GEMIN5: variants seen among roughly 807,000 people sequenced by gnomAD.
GEMIN5 encodes gem-associated protein 5.
In GEMIN5, 124 loss-of-function variants were observed where a neutral mutation model predicts 176.9. The ratio of observed to expected loss-of-function variants is 0.70; its 90% CI spans 0.61 to 0.81. GEMIN5 has a LOEUF of 0.81. GEMIN5 is among the 40% of genes least tolerant of loss of function. The pLI is 0.00. For missense variants in GEMIN5, 1,843 were observed against 1,814.6 expected (o/e 1.02, Z -0.28); for synonymous variants, 673 against 665.2 (o/e 1.01, Z -0.18).
chr5:154,892,762 T>G, intron 24 of GEMIN5: 1 of 544,608 alleles, frequency 1.8e-6, no homozygotes, highest in Non-Finnish European at 3.3e-6. Context: ...GGTGTTAAAG[T>G]CTGTTCACAC....
rs781314331 is a variant in GEMIN5 at position 154,937,954 on chromosome 5, G to A, written c.166+14C>T. ...AAAGGGCAGTAAGTCTCGGGCCCAAGGGTGGTGAGTTACCTCGAAACGGGG... is the reference window on the plus strand; with the variant it reads ...AAAGGGCAGTAAGTCTCGGGCCCAAAGGTGGTGAGTTACCTCGAAACGGGG... On this transcript the variant is annotated intron_variant, in intron 1 of 27. Transcript: ENST00000285873. The A allele has an allele frequency of 1.2e-4, 180 of 1,562,452 alleles. No homozygotes were observed. Among genetic ancestry groups the A allele is most frequent in the Non-Finnish European group, 1.5e-4 (172 of 1,157,374 alleles).
At chr5:154,928,469 T>G in intron 6 of GEMIN5, 58 bp downstream of exon 6, 3 of 1,550,310 alleles carry the variant, frequency 1.9e-6, no homozygotes, top group Non-Finnish European at 2.7e-6. Context: ...CTAGGAGGAC[T>G]TGAGGCCAAA....
intron 2 of GEMIN5, 73 bp from the exon 3 acceptor site, chr5:154,936,095 C>T (rs1764262814): frequency 2.2e-6 from 2 of 919,530 alleles, no homozygotes; most frequent in Admixed American, 2.4e-5. Flanking sequence ...TATCACAAAC[C>T]AGCATAATGC....
At chr5:154,912,631 G>A (rs542127515) in intron 14 of GEMIN5, among the ~76,000 whole-genome samples, 2 of 152,254 alleles carry the variant, frequency 1.3e-5, no homozygotes, top group East Asian at 1.9e-4. Context: ...CATACTGATA[G>A]TGAGTCAGAA....
At chr5:154,912,363 C>T (rs917118305) in intron 14 of GEMIN5, among the ~76,000 whole-genome samples, 1 of 152,146 alleles carries the variant, frequency 6.6e-6, no homozygotes, top group East Asian at 1.9e-4. Context: ...CAGCCCTTTG[C>T]GGCTCCCAGC....
intron 13 of GEMIN5, among the ~76,000 whole-genome samples, chr5:154,915,603 T>G (rs1420851876): frequency 1.3e-5 from 2 of 152,222 alleles, no homozygotes. Context: ...CTAGGCCCTA[T>G]CATGTATTAG....
chr5:154,892,056 T>C (rs1338512135), intron 25 of GEMIN5, among the ~76,000 whole-genome samples: 1 of 152,218 alleles, frequency 6.6e-6, no homozygotes, highest in Non-Finnish European at 1.5e-5. Flanking sequence ...ATCACAATGA[T>C]TTAGTTCAGT....
At chr5:154,931,199 C>T (rs2113511925) in intron 5 of GEMIN5, among the ~76,000 whole-genome samples, 2 of 152,352 alleles carry the variant, frequency 1.3e-5, no homozygotes, top group Middle Eastern at 3.4e-3. Flanking sequence ...TTCTGCTCTC[C>T]ATGCCAAACA....
At chr5:154,911,940 A>T in intron 14 of GEMIN5, 42 bp from the exon 15 acceptor site, 1 of 1,564,790 alleles carries the variant, frequency 6.4e-7, no homozygotes, top group Non-Finnish European at 8.7e-7. Context: ...TTTTCTGGTT[A>T]TTCTATTGTT....
chr5:154,889,552 G>T, intron 26 of GEMIN5, 135 bp from the exon 27 acceptor site: 2 of 508,650 alleles, frequency 3.9e-6, no homozygotes, highest in South Asian at 3.4e-5. Flanking sequence ...ACATAGTTCA[G>T]TGATTTTAAA....
chr5:154,889,097 T>C (rs1763168397), intron 27 of GEMIN5, among the ~76,000 whole-genome samples: 1 of 152,128 alleles, frequency 6.6e-6, no homozygotes, highest in Admixed American at 6.5e-5. Context: ...AGGATGGTCT[T>C]GATCTCCTGA....
At chr5:154,889,489 A>T (rs1451139967) in intron 26 of GEMIN5, 72 bp from the exon 27 acceptor site, 1 of 803,468 alleles carries the variant, frequency 1.2e-6, no homozygotes, top group Admixed American at 2.0e-5. Context: ...TTGTTATTTT[A>T]CTGTGGTAAA....
At chr5:154,932,861 G>A (rs555787851) in intron 3 of GEMIN5, among the ~76,000 whole-genome samples, 205 of 152,254 alleles carry the variant, frequency 1.3e-3, no homozygotes, top group African/African-American at 4.6e-3. Context: ...CACCACACCC[G>A]GCCAACTCTT....
intron 4 of GEMIN5, among the ~76,000 whole-genome samples, 154 bp downstream of exon 4, chr5:154,931,945 G>A (rs1045059776): frequency 1.3e-5 from 2 of 152,254 alleles, no homozygotes; most frequent in Non-Finnish European, 2.9e-5. Context: ...CCCGGGAGGC[G>A]GAGGTTGCGG....
intron 26 of GEMIN5, among the ~76,000 whole-genome samples, chr5:154,890,151 C>T (rs987140116): frequency 1.3e-5 from 2 of 152,194 alleles, no homozygotes; most frequent in Non-Finnish European, 2.9e-5. Flanking sequence ...CTGATAGTAG[C>T]CTAATGGCTA....
At chr5:154,913,176 G>C (rs913161852) in intron 13 of GEMIN5, 138 bp from the exon 14 acceptor site, 15 of 693,548 alleles carry the variant, frequency 2.2e-5, no homozygotes, top group African/African-American at 3.7e-5. Context: ...TTTTGAGATG[G>C]AGTTTCGCTC....
At chr5:154,919,179 A>G (rs1038218494) in intron 11 of GEMIN5, among the ~76,000 whole-genome samples, 2 of 152,136 alleles carry the variant, frequency 1.3e-5, no homozygotes, top group Admixed American at 1.3e-4. Flanking sequence ...AAAAATACAA[A>G]AATTAGCTGG....
Position 154,903,132 on chromosome 5 carries a change from A to T in GEMIN5, c.2676T>A (p.His892Gln), listed in dbSNP as rs148166423. The T allele has an allele frequency of 7.7e-5, 124 of 1,613,284 alleles. No homozygotes were observed. The highest frequency in any genetic ancestry group is 1.0e-4 in the Non-Finnish European group (118 of 1,179,448). ...TAGCCCTGTCTGTGAAAAGCCCCAG[A>T]TGAAATCTTTCCTCAACATCAGCAG... The part of the protein sequence containing the change: ...DVSADVEERF[H>Q]LGLFTDRATL... The change falls in exon 19 of 28, where the codon CAT becomes CAA. Residue 892 changes from histidine to glutamine, a missense_variant. By Grantham distance (24) the His-to-Gln change is conservative (BLOSUM62 0). Transcript: ENST00000285873.
rs762434881 is a variant in GEMIN5 at position 154,892,462 on chromosome 5, G to A, written c.3685C>T (p.Arg1229Trp). ...SWDEAVQALL[R>W]AVVRSYDSGS... ...GAGTCATAGCTCCGGACCACCGCCC[G>A]AAGGAGCGCCTGCACAGCCTCGTCC... is the stretch of plus-strand genomic sequence containing the variant. The change falls in exon 25 of 28, where the codon CGG becomes TGG. Residue 1229 changes from arginine (R) to tryptophan (W), a missense_variant. Transcript: ENST00000285873. The A allele has an allele frequency of 1.3e-5, 21 of 1,614,164 alleles. No individual in the cohort carries two copies. The highest frequency in any genetic ancestry group is 6.7e-5 in the African/African-American group (5 of 75,052).
Sources: allele counts gnomAD v4.1 joint callset (sites outside exome capture counted in the v4.1 genomes callset), GRCh38; gene constraint gnomAD v4.1.1; transcripts MANE v1.5; gene names NCBI Gene and HGNC (gene_info 2026-07-23, HGNC 2026-07-21).